Variants in HSD17B2 observed in about 807,000 individuals in gnomAD.
The protein encoded by HSD17B2 is hydroxysteroid 17-beta dehydrogenase 2.
A neutral mutation model predicts 26.9 loss-of-function variants in HSD17B2; 32 were observed. The ratio of observed to expected loss-of-function variants is 1.19; its 90% CI spans 0.90 to 1.60. HSD17B2 has a LOEUF of 1.60. HSD17B2 is among the 40% of genes most tolerant of loss of function. The pLI is 0.00. For missense variants in HSD17B2, 613 were observed against 468.6 expected (o/e 1.31, Z -2.85); for synonymous variants, 246 against 186.7 (o/e 1.32, Z -2.59).
At chr16:82,097,208 ATGTCTATGTCTATGTC>A (rs1904865968) in intron 4 of HSD17B2, 2 of 7,660 alleles carry the variant, frequency 2.6e-4, no homozygotes, top group Non-Finnish European at 5.9e-4. Flanking sequence ...TTCTGTGTAT[ATGTCTATGTCTATGTC>A]TATGTCTATG....
At chr16:82,036,314 C>T (rs1457881521) in intron 1 of HSD17B2, among the ~76,000 whole-genome samples, 2 of 123,328 alleles carry the variant, frequency 1.6e-5, no homozygotes, top group African/African-American at 6.3e-5. Flanking sequence ...CCAGTTTTTC[C>T]CTTGTTTGTG....
At chr16:82,044,629 T>C (rs1160970453) in intron 1 of HSD17B2, 1 of 152,314 alleles carries the variant, frequency 6.6e-6, no homozygotes, top group Non-Finnish European at 1.5e-5. Context: ...AAAAGACCTT[T>C]GCACCAGGCA....
chr16:82,074,575 C>G (rs1228872088), intron 3 of HSD17B2, among the ~76,000 whole-genome samples: 2 of 152,082 alleles, frequency 1.3e-5, no homozygotes, highest in African/African-American at 4.8e-5. Flanking sequence ...AAATAGATTT[C>G]AAGATCAAAA....
chr16:82,039,908 C>T (rs1206536155), intron 1 of HSD17B2, among the ~76,000 whole-genome samples: 1 of 152,070 alleles, frequency 6.6e-6, no homozygotes, highest in East Asian at 1.9e-4. Context: ...CAAAGCGGAT[C>T]CCAGGCAGAC....
At position 82,090,993 on chromosome 16, in the gene HSD17B2, G is replaced by C. The variant is rs781781843; in HGVS notation, c.756G>C (p.Lys252Asn). The C allele has an allele frequency of 1.2e-6, 2 of 1,613,968 alleles. No homozygotes were observed. The highest frequency in any genetic ancestry group is 1.7e-6 in the Non-Finnish European group (2 of 1,179,946). ...CAGTTATGAGACTGGAGCTTTCCAA[G>C]TGGGGAATTAAAGTTGCTTCCATCC... is the stretch of plus-strand genomic sequence containing the variant. ...FSSVMRLELS[K>N]WGIKVASIQP... is the part of the protein sequence containing the mutation. Residue 252 changes from lysine (K) to asparagine (N), a missense_variant, in exon 4 of 5, where the codon AAG becomes AAC. Lys to Asn is a moderately conservative substitution (Grantham distance 94, BLOSUM62 0). Coordinates refer to ENST00000199936, the MANE Select transcript of HSD17B2 (RefSeq NM_002153.3).
intron 3 of HSD17B2, among the ~76,000 whole-genome samples, chr16:82,073,123 C>G (rs1241823520): frequency 2.6e-5 from 4 of 152,104 alleles, no homozygotes; most frequent in Admixed American, 2.6e-4. Context: ...CTTTAAAGCT[C>G]TTTCCAAGCC....
intron 2 of HSD17B2, among the ~76,000 whole-genome samples, chr16:82,069,221 A>G (rs963207241): frequency 1.1e-4 from 17 of 152,120 alleles, no homozygotes; most frequent in Non-Finnish European, 1.9e-4. Flanking sequence ...AGCTCCACCC[A>G]TGTCCCTGCA....
intron 2 of HSD17B2, among the ~76,000 whole-genome samples, chr16:82,068,884 A>T (rs1381833230): frequency 6.6e-6 from 1 of 152,152 alleles, no homozygotes; most frequent in East Asian, 1.9e-4. Flanking sequence ...GCTAATCAGA[A>T]TTAGCCTGAA....
intron 1 of HSD17B2, among the ~76,000 whole-genome samples, chr16:82,037,968 G>T (rs72829154): frequency 1.3e-5 from 2 of 152,328 alleles, no homozygotes; most frequent in Non-Finnish European, 2.9e-5. Flanking sequence ...GTTGGTTAAT[G>T]GTTGGATTAG....
intron 3 of HSD17B2, among the ~76,000 whole-genome samples, chr16:82,080,256 T>C (rs374720286): frequency 6.6e-6 from 1 of 152,232 alleles, no homozygotes; most frequent in Admixed American, 6.5e-5. Context: ...GTCTGCAACC[T>C]GTGAGCCTGT....
At chr16:82,047,671 C>T (rs1048001372) in intron 1 of HSD17B2, among the ~76,000 whole-genome samples, 2 of 152,134 alleles carry the variant, frequency 1.3e-5, no homozygotes, top group African/African-American at 2.4e-5. Flanking sequence ...ATGAAGGAAG[C>T]CCTGTAGGAC....
At chr16:82,076,382 G>C (rs893523638) in intron 3 of HSD17B2, among the ~76,000 whole-genome samples, 3 of 152,072 alleles carry the variant, frequency 2.0e-5, no homozygotes, top group Non-Finnish European at 4.4e-5. Flanking sequence ...TGGAAATCCT[G>C]GCTAGTGCAA....
At chr16:82,091,099 C>G in intron 4 of HSD17B2, 60 bp downstream of exon 4, 1 of 1,527,680 alleles carries the variant, frequency 6.5e-7, no homozygotes, top group Non-Finnish European at 9.1e-7. Flanking sequence ...CGAAGGTCCT[C>G]TTGGTCTGAC....
chr16:82,049,058 A>C (rs1914025805), intron 1 of HSD17B2, among the ~76,000 whole-genome samples: 2 of 152,202 alleles, frequency 1.3e-5, no homozygotes, highest in African/African-American at 4.8e-5. Context: ...GTTTCTGTTC[A>C]ATTACATCTC....
rs1234791283 is a variant in HSD17B2 at position 82,071,076 on chromosome 16, C to A, written c.613C>A (p.Pro205Thr). 1.9e-6 allele frequency: 3 copies of A among 1,614,030 alleles called. No individual in the cohort carries two copies. In the African/African-American group the frequency reaches 4.0e-5, roughly 22 times the overall value. Residue 205 changes from proline (P) to threonine (T), a missense_variant, in exon 3 of 5, where the codon CCT becomes ACT. By Grantham distance (38) the Pro-to-Thr change is conservative (BLOSUM62 -1). Transcript: ENST00000199936. Reference sequence around the variant, plus strand: ...TGTGGAGGTCACAAAGACGTTTTTGCCTCTTCTTAGAAAATCCAAAGGGAG... The same window carrying A: ...TGTGGAGGTCACAAAGACGTTTTTGACTCTTCTTAGAAAATCCAAAGGGAG... ...GTVEVTKTFL[P>T]LLRKSKGRLV...
chr16:82,053,877 T>C (rs768705682), intron 1 of HSD17B2, among the ~76,000 whole-genome samples: 6 of 152,220 alleles, frequency 3.9e-5, no homozygotes, highest in Non-Finnish European at 8.8e-5. Context: ...AGTTCTAACA[T>C]AGAATGCATA....
At chr16:82,069,181 T>C (rs1914641016) in intron 2 of HSD17B2, among the ~76,000 whole-genome samples, 1 of 152,200 alleles carries the variant, frequency 6.6e-6, no homozygotes, top group African/African-American at 2.4e-5. Flanking sequence ...TTTCTGTTCC[T>C]GCTTTAGTTT....
intron 1 of HSD17B2, among the ~76,000 whole-genome samples, chr16:82,043,495 T>C: frequency 7.0e-6 from 1 of 143,258 alleles, no homozygotes; most frequent in Non-Finnish European, 1.5e-5. Flanking sequence ...CTATCCTGGC[T>C]AACACGGTGA....
rs56169712 is a variant in HSD17B2 at position 82,039,248 on chromosome 16, TAC to T, written c.265+3582_265+3583del. ...TTTCTCCTCTGTAAATGGAAAATAATACACACACACACACACACACACACGCA... is the reference window on the plus strand; with the variant it reads ...TTTCTCCTCTGTAAATGGAAAATAATACACACACACACACACACACACGCA... On this transcript the variant is annotated intron_variant, in intron 1 of 4. Coordinates refer to ENST00000199936, the MANE Select transcript of HSD17B2 (RefSeq NM_002153.3). 8.4e-3 allele frequency among the ~76,000 whole-genome samples: 1,218 copies of T among 145,304 alleles called. 8 individuals are homozygous for T. The highest frequency in any genetic ancestry group is 0.018 in the Middle Eastern group (5 of 278).
Sources: gnomAD v4.1 joint callset for allele counts (sites outside exome capture counted in the v4.1 genomes callset) on GRCh38, gnomAD v4.1.1 for gene constraint, MANE v1.5 for transcripts, NCBI Gene and HGNC (gene_info 2026-07-23, HGNC 2026-07-21) for gene names.